Variants in RELN observed in about 807,000 individuals in gnomAD.
The protein encoded by RELN is reelin.
In RELN, 108 loss-of-function variants were observed where a neutral mutation model predicts 427.6. That is an observed-to-expected ratio of 0.25 (90% CI 0.22 to 0.30). The LOEUF (loss-of-function observed/expected upper bound fraction) is 0.30, where lower values mean the gene tolerates loss of function less well. Among genes scored for constraint, RELN ranks in the 10% least tolerant of loss-of-function variants. The probability of loss-of-function intolerance (pLI) is 1.00; values close to 1 mark genes in which losing one functional copy is unlikely to be tolerated. For synonymous variants in RELN, 1,524 were observed against 1,513.4 expected (o/e 1.01, Z -0.16); for missense variants, 3,715 against 4,302.8 (o/e 0.86, Z 3.82).
At chr7:103,722,991 C>G in intron 8 of RELN, 149 bp downstream of exon 8, 1 of 628,192 alleles carries the variant, frequency 1.6e-6, no homozygotes, top group Non-Finnish European at 2.9e-6. Context: ...ATTTATTTCA[C>G]TTTAAAAATG....
chr7:103,541,412 C>T (rs1202880767), intron 43 of RELN, among the ~76,000 whole-genome samples: 1 of 152,176 alleles, frequency 6.6e-6, no homozygotes, highest in Non-Finnish European at 1.5e-5. Context: ...TTATCAGTAC[C>T]ATATGTAAAA....
chr7:103,967,256 G>A (rs528241077), intron 1 of RELN, among the ~76,000 whole-genome samples: 3 of 152,194 alleles, frequency 2.0e-5, no homozygotes, highest in South Asian at 2.1e-4. Context: ...CCTATCACTA[G>A]TATCCAATAT....
chr7:103,880,312 A>G (rs1794577563), intron 2 of RELN, among the ~76,000 whole-genome samples: 1 of 152,200 alleles, frequency 6.6e-6, no homozygotes, highest in Non-Finnish European at 1.5e-5. Flanking sequence ...AATTTTATAA[A>G]TGCAAAAACT....
rs398005661 is a variant in RELN at position 103,717,491 on chromosome 7, A to ATTT, written c.805+5646_805+5648dup. ...TTCCATATATAAAACAAAAAAAAAA[A>ATTT]TTTGTTTTAATATAGATATTTGAAG... On this transcript the variant is annotated intron_variant, in intron 8 of 64. Coordinates refer to ENST00000428762, the MANE Select transcript of RELN (RefSeq NM_005045.4). Among the ~76,000 whole-genome samples the ATTT allele has an allele frequency of 9.3e-3, 1,407 of 150,698 alleles. 26 individuals carry two copies. Among genetic ancestry groups the ATTT allele is most frequent in the African/African-American group, 0.032 (1,324 of 40,966 alleles).
At chr7:103,889,611 T>A (rs1237241747) in intron 2 of RELN, among the ~76,000 whole-genome samples, 2 of 152,038 alleles carry the variant, frequency 1.3e-5, no homozygotes, top group Non-Finnish European at 2.9e-5. Flanking sequence ...AGATACTACA[T>A]CTTCTCCAGC....
chr7:103,759,137 A>T (rs1215575388), intron 4 of RELN, among the ~76,000 whole-genome samples: 6 of 152,054 alleles, frequency 3.9e-5, no homozygotes, highest in African/African-American at 9.6e-5. Flanking sequence ...CTTCTTTTTT[A>T]AAAAATTCAA....
In RELN at chr7:103,522,193, A is replaced by G; in HGVS notation, c.7497T>C (p.Asp2499=). ...GRCIQGNCVC[D]EQWGGLYCDD... ...CACAGTACAGGCCACCCCACTGTTC[A>G]TCACAGCTGGGTGCAGAGCAAGAGA... is the stretch of plus-strand genomic sequence containing the variant. The change falls in exon 48 of 65, where the codon GAT becomes GAC. Residue 2499 remains aspartate (D), a synonymous_variant. Transcript: ENST00000428762. 6.2e-7 allele frequency: 1 copy of G among 1,613,952 alleles called. No individual in the cohort carries two copies.
At chr7:103,698,661 C>T (rs1399486350) in intron 9 of RELN, among the ~76,000 whole-genome samples, 1 of 151,986 alleles carries the variant, frequency 6.6e-6, no homozygotes, top group African/African-American at 2.4e-5. Flanking sequence ...TACAGGCATC[C>T]ATCACCATGC....
At chr7:103,839,064 T>A (rs189668373) in intron 2 of RELN, among the ~76,000 whole-genome samples, 1 of 152,296 alleles carries the variant, frequency 6.6e-6, no homozygotes, top group East Asian at 1.9e-4. Flanking sequence ...AGCCAATAAT[T>A]TGCATTAGAA....
chr7:103,505,780 C>T (rs1829188929), intron 51 of RELN, among the ~76,000 whole-genome samples: 1 of 152,108 alleles, frequency 6.6e-6, no homozygotes, highest in African/African-American at 2.4e-5. Flanking sequence ...TGGGTAATAA[C>T]AAACTCCTCC....
chr7:103,494,129 A>AT (rs1442687375), intron 57 of RELN, among the ~76,000 whole-genome samples: 1 of 152,176 alleles, frequency 6.6e-6, no homozygotes, highest in Non-Finnish European at 1.5e-5. Flanking sequence ...ACACTTCTTC[A>AT]TATCACTAAG....
intron 3 of RELN, among the ~76,000 whole-genome samples, chr7:103,790,544 C>T (rs2116268812): frequency 6.6e-6 from 1 of 152,138 alleles, no homozygotes; most frequent in African/African-American, 2.4e-5. Flanking sequence ...TGTGTCCCAC[C>T]CTCCGCCCCT....
chr7:103,943,222 T>C (rs992203668), intron 1 of RELN, among the ~76,000 whole-genome samples: 4 of 152,200 alleles, frequency 2.6e-5, no homozygotes, highest in Admixed American at 6.5e-5. Context: ...AAGTTTAGCC[T>C]TGGTCATAGT....
chr7:103,589,837 A>G lies in RELN; in HGVS notation c.3913-9T>C, dbSNP rs372473867. The stretch of plus-strand genomic sequence containing the variant: ...GCACAACCTATGTTTAGCTGTTAAA[A>G]GGAAGGACAAGAATTATACAAGATT... On this transcript the variant is annotated splice_polypyrimidine_tract_variant and intron_variant, in intron 27 of 64. Transcript: ENST00000428762. 200 of 1,545,304 alleles carry G rather than the reference A, an allele frequency of 1.3e-4. 1 individual carries two copies. In the African/African-American group the frequency reaches 2.5e-3, roughly 19 times the overall value.
chr7:103,925,497 C>G (rs1372851585), intron 1 of RELN, among the ~76,000 whole-genome samples: 1 of 152,034 alleles, frequency 6.6e-6, no homozygotes, highest in Non-Finnish European at 1.5e-5. Flanking sequence ...TTATTTTTCA[C>G]GTTACTTTTA....
intron 8 of RELN, among the ~76,000 whole-genome samples, chr7:103,708,872 T>G (rs1789713788): frequency 1.3e-5 from 2 of 152,120 alleles, no homozygotes; most frequent in Non-Finnish European, 2.9e-5. Context: ...ACCCCGTCAC[T>G]CGTTGACCTC....
chr7:103,828,085 AATAC>A (rs1469145654), intron 3 of RELN, among the ~76,000 whole-genome samples: 1 of 152,040 alleles, frequency 6.6e-6, no homozygotes, highest in Non-Finnish European at 1.5e-5. Context: ...TAACAAGGCA[AATAC>A]ATCTGTGATG....
intron 42 of RELN, among the ~76,000 whole-genome samples, chr7:103,544,392 C>A (rs531350815): frequency 6.6e-6 from 1 of 151,616 alleles, no homozygotes; most frequent in East Asian, 1.9e-4. Context: ...GCGTGCCCGG[C>A]TTTTTTGTAT....
At chr7:103,567,154 C>T (rs543982327) in intron 31 of RELN, among the ~76,000 whole-genome samples, 1 of 152,342 alleles carries the variant, frequency 6.6e-6, no homozygotes, top group Non-Finnish European at 1.5e-5. Context: ...AATCAAGTAG[C>T]TCTTTGCTGC....
Sources: allele counts gnomAD v4.1 joint callset (sites outside exome capture counted in the v4.1 genomes callset), GRCh38; gene constraint gnomAD v4.1.1; transcripts MANE v1.5; gene names NCBI Gene and HGNC (gene_info 2026-07-23, HGNC 2026-07-21).